The following NUP160 variants were observed in gnomAD, a reference collection of about 807,000 sequenced individuals.
The protein encoded by NUP160 is nucleoporin 160, also known as nuclear pore complex protein Nup160.
NUP160 carries 94 observed loss-of-function variants against 196.9 expected under a neutral mutation model. The observed-to-expected ratio is 0.48, with a 90% CI of 0.40 to 0.57. The LOEUF (loss-of-function observed/expected upper bound fraction) is 0.57. Among genes scored for constraint, NUP160 ranks in the 20% least tolerant of loss-of-function variants. The probability of loss-of-function intolerance (pLI) is 0.00; values close to 1 mark genes in which losing one functional copy is unlikely to be tolerated. For synonymous variants in NUP160, 605 were observed against 619.7 expected, an observed-to-expected ratio of 0.98 and a Z score of 0.35; for missense variants, 1,638 against 1,748.3, an observed-to-expected ratio of 0.94 and a Z score of 1.13.
rs1013684487 is a variant in NUP160, at chr11:47,835,898, T to G, written c.943-89A>C. The G allele has an allele frequency of 2.9e-6, 3 of 1,031,638 alleles. No homozygotes were observed. The East Asian group carries it at 8.0e-5, about 28-fold the overall frequency. The allele number at this position is 1,031,638 out of a possible 1,614,324, so 63.9% of individuals were successfully genotyped here. On this transcript the variant is annotated intron_variant, in intron 6 of 35. Coordinates refer to ENST00000378460, the Ensembl canonical transcript of NUP160. ...TTGAAAGGATGGACCTTTCATTGTA[T>G]CTACTGCTCTATCTAGTTTATCTGC... is the stretch of plus-strand genomic sequence containing the variant.
At chr11:47,819,326 A>AT in intron 10 of NUP160, 48 bp downstream of exon 10, 4 of 1,347,542 alleles carry the variant, frequency 3.0e-6, no homozygotes, top group Non-Finnish European at 4.2e-6. Context: ...AAAAAAAAAA[A>AT]GATCAAAGTA....
At chr11:47,819,537 A>T in intron 9 of NUP160, 79 bp from the exon 10 acceptor site, 1 of 905,020 alleles carries the variant, frequency 1.1e-6, no homozygotes, top group Non-Finnish European at 1.8e-6. Flanking sequence ...GTATCTGGGC[A>T]GGGAGGACCC....
chr11:47,811,978 T>C (rs1409830749), intron 17 of NUP160, 86 bp downstream of exon 17: 2 of 1,203,570 alleles, frequency 1.7e-6, no homozygotes, highest in African/African-American at 1.5e-5. Flanking sequence ...GTATCTGTGC[T>C]AGTAGGGCTG....
At chr11:47,793,135 C>T (rs1009313383) in intron 27 of NUP160, among the ~76,000 whole-genome samples, 189 bp from the exon 28 acceptor site, 6 of 151,978 alleles carry the variant, frequency 3.9e-5, no homozygotes, top group South Asian at 2.1e-4. Context: ...TATAGGCACA[C>T]GACCACCACG....
At chr11:47,840,613 GAA>G in intron 2 of NUP160, 25 bp from the exon 3 acceptor site, 1 of 1,523,306 alleles carries the variant, frequency 6.6e-7, no homozygotes, top group Non-Finnish European at 8.9e-7. Context: ...ACATTTGTTT[GAA>G]AAGTTTATGC....
intron 18 of NUP160, among the ~76,000 whole-genome samples, chr11:47,808,184 G>A (rs1287052704): frequency 1.3e-5 from 2 of 152,132 alleles, no homozygotes; most frequent in Non-Finnish European, 2.9e-5. Context: ...GGGAGGCTGA[G>A]GCAGAAGAAT....
chr11:47,783,398 T>A (rs1017660908), intron 33 of NUP160, among the ~76,000 whole-genome samples, 200 bp from the exon 34 acceptor site: 31 of 152,100 alleles, frequency 2.0e-4, no homozygotes, highest in African/African-American at 6.8e-4. Flanking sequence ...GTTAAATCCC[T>A]AAGAGCCGTT....
chr11:47,785,103 T>TTTTGTTTTTTTTTTTTTTGAGACGG, intron 32 of NUP160, 40 bp from the exon 33 acceptor site: 2 of 1,086,546 alleles, frequency 1.8e-6, no homozygotes, highest in Non-Finnish European at 2.6e-6. Flanking sequence ...TTCAGATTCT[T>TTTTGTTTTTTTTTTTTTTGAGACGG]AATAGCTATT....
chr11:47,840,123 G>T, intron 3 of NUP160, 58 bp from the exon 4 acceptor site: 1 of 1,334,150 alleles, frequency 7.5e-7, no homozygotes, highest in Non-Finnish European at 1.1e-6. Flanking sequence ...ATTTTGCTCA[G>T]TTCCTCTCTA....
intron 13 of NUP160, among the ~76,000 whole-genome samples, chr11:47,813,939 C>T (rs1022110318): frequency 1.5e-4 from 23 of 151,758 alleles, no homozygotes; most frequent in Non-Finnish European, 2.8e-4. Context: ...GGTGTGGTGG[C>T]GGGCGCCTGT....
At chr11:47,800,874 G>T (rs192478688) in intron 23 of NUP160, among the ~76,000 whole-genome samples, 38 of 152,264 alleles carry the variant, frequency 2.5e-4, no homozygotes, top group African/African-American at 8.4e-4. Flanking sequence ...TGCACAACAG[G>T]ATGAATAAAA....
chr11:47,806,046 A>C (rs971740414), intron 20 of NUP160, 107 bp downstream of exon 20: 4 of 1,011,760 alleles, frequency 4.0e-6, no homozygotes, highest in Non-Finnish European at 6.0e-6. Context: ...ACTTCTGGCC[A>C]TAAGTGATAA....
chr11:47,818,028 A>T, intron 11 of NUP160, 28 bp downstream of exon 11: 1 of 1,448,186 alleles, frequency 6.9e-7, no homozygotes, highest in Non-Finnish European at 9.6e-7. Context: ...AAATAGTCTT[A>T]AACAAACAGT....
At chr11:47,815,749 C>A (rs2097684074) in intron 12 of NUP160, 100 bp from the exon 13 acceptor site, 11 of 1,073,842 alleles carry the variant, frequency 1.0e-5, no homozygotes, top group Admixed American at 2.5e-5. Flanking sequence ...TAAGCTACAG[C>A]CAAATGAATA....
chr11:47,790,868 T>C (rs1285661784), intron 29 of NUP160, among the ~76,000 whole-genome samples: 7 of 152,228 alleles, frequency 4.6e-5, no homozygotes, highest in Admixed American at 4.6e-4. Flanking sequence ...TTCTCCTGTA[T>C]CTTGACATTT....
Position 47,839,829 on chromosome 11 carries a change from G to C in NUP160, c.748+14C>G. 1.9e-6 allele frequency: 3 copies of C among 1,591,620 alleles called. No homozygotes were observed. Among genetic ancestry groups the C allele is most frequent in the Non-Finnish European group, 2.6e-6 (3 of 1,159,594 alleles). On this transcript the variant is annotated intron_variant, in intron 4 of 35. Transcript: ENST00000378460. ...TTGTTTAAAGTTAAATCCATGCTCA[G>C]TTCCCATTCTTACCAGGTATGTCAT...
chr11:47,826,564 C>CG (rs1167999823), intron 7 of NUP160, among the ~76,000 whole-genome samples: 3 of 151,316 alleles, frequency 2.0e-5, no homozygotes, highest in Non-Finnish European at 4.4e-5. Context: ...TAAAAATCCC[C>CG]CCCCCCTTTT....
intron 33 of NUP160, among the ~76,000 whole-genome samples, chr11:47,784,124 G>A (rs1369016486): frequency 6.6e-6 from 1 of 152,114 alleles, no homozygotes; most frequent in Non-Finnish European, 1.5e-5. Flanking sequence ...ACTAACGGTG[G>A]TTCAGATGCA....
intron 29 of NUP160, among the ~76,000 whole-genome samples, chr11:47,791,593 G>A (rs1472308573): frequency 6.6e-6 from 1 of 151,934 alleles, no homozygotes. Flanking sequence ...CACCTGCCTC[G>A]GCCTCCCAAG....
Sources: allele counts gnomAD v4.1 joint callset (sites outside exome capture counted in the v4.1 genomes callset), GRCh38; gene constraint gnomAD v4.1.1; transcripts MANE v1.5; gene names NCBI Gene and HGNC (gene_info 2026-07-23, HGNC 2026-07-21).